The following DLGAP1 variants were observed in gnomAD, a reference collection of about 807,000 sequenced individuals.
DLGAP1 encodes the protein DLG associated protein 1.
Under a neutral mutation model 90.8 loss-of-function variants are expected in DLGAP1, and 11 were observed. That is an observed-to-expected ratio of 0.12 (90% CI 0.08 to 0.20). The LOEUF (loss-of-function observed/expected upper bound fraction) is 0.20, where lower values mean the gene tolerates loss of function less well. DLGAP1 is among the 10% of genes least tolerant of loss of function. The pLI is 1.00. For missense variants in DLGAP1, 1,050 were observed against 1,333.8 expected (o/e 0.79, Z 3.31); for synonymous variants, 558 against 540.7 (o/e 1.03, Z -0.44).
chr18:3,716,528 C>T (rs1473269375), intron 7 of DLGAP1, among the ~76,000 whole-genome samples: 1 of 135,302 alleles, frequency 7.4e-6, no homozygotes, highest in Non-Finnish European at 1.6e-5. Context: ...ACAGTGAGAC[C>T]CTGTCTCAAA....
At chr18:3,979,406 G>T (rs1446260647) in intron 3 of DLGAP1, among the ~76,000 whole-genome samples, 1 of 151,946 alleles carries the variant, frequency 6.6e-6, no homozygotes, top group Non-Finnish European at 1.5e-5. Context: ...ACTCTATAAT[G>T]TTCACTCAGT....
intron 5 of DLGAP1, among the ~76,000 whole-genome samples, chr18:3,765,383 G>A (rs2064191539): frequency 6.6e-6 from 1 of 151,114 alleles, no homozygotes; most frequent in Admixed American, 6.6e-5. Context: ...GCCCACCTTG[G>A]CCTCCCAAAG....
At chr18:3,852,217 G>C (rs557534258) in intron 4 of DLGAP1, among the ~76,000 whole-genome samples, 1 of 152,202 alleles carries the variant, frequency 6.6e-6, no homozygotes, top group African/African-American at 2.4e-5. Context: ...GTGCAAAGTC[G>C]TCTAGAATGA....
chr18:3,683,859 G>A (rs2060607448), intron 7 of DLGAP1, among the ~76,000 whole-genome samples: 1 of 152,066 alleles, frequency 6.6e-6, no homozygotes, highest in Admixed American at 6.6e-5. Context: ...TGTTTTTTGG[G>A]AAATCACTTA....
intron 7 of DLGAP1, among the ~76,000 whole-genome samples, chr18:3,585,165 G>C (rs938079146): frequency 6.6e-6 from 1 of 152,220 alleles, no homozygotes; most frequent in Non-Finnish European, 1.5e-5. Flanking sequence ...TGCTTGCAAG[G>C]TGCAGAGTCA....
At chr18:3,808,235 G>A (rs980998459) in intron 5 of DLGAP1, among the ~76,000 whole-genome samples, 2 of 152,182 alleles carry the variant, frequency 1.3e-5, no homozygotes, top group Admixed American at 1.3e-4. Flanking sequence ...TGTTTTAAAC[G>A]TGTCGCGTTT....
At position 4,117,030 on chromosome 18, in the gene DLGAP1, T is replaced by C. The variant is rs140597202; in HGVS notation, c.-159+34150A>G. ...CTTTCAAAGAGGTAATTAGGTAAAA[T>C]GAGGTCATATGAGTGGGCCCTAATG... On this transcript the variant is annotated intron_variant, in intron 2 of 12. Transcript: ENST00000315677. Among the ~76,000 whole-genome samples, 380 of 152,206 alleles carry C rather than the reference T, an allele frequency of 2.5e-3. 1 individual carries two copies. The highest frequency in any genetic ancestry group is 6.1e-3 in the Admixed American group (93 of 15,284).
intron 4 of DLGAP1, among the ~76,000 whole-genome samples, chr18:3,863,735 G>A (rs1427478679): frequency 6.6e-6 from 1 of 152,178 alleles, no homozygotes; most frequent in Non-Finnish European, 1.5e-5. Flanking sequence ...CCCAGGGCCC[G>A]CTCAGCCCCA....
intron 1 of DLGAP1, among the ~76,000 whole-genome samples, chr18:4,152,741 A>C (rs7231682): frequency 0.45 from 67,917 of 151,932 alleles, 15,937 homozygotes; most frequent in East Asian, 0.71. Flanking sequence ...TTTATCCATG[A>C]CATAGAAGAC....
intron 4 of DLGAP1, among the ~76,000 whole-genome samples, chr18:3,839,378 T>G (rs1207718924): frequency 6.6e-6 from 1 of 152,106 alleles, no homozygotes; most frequent in Non-Finnish European, 1.5e-5. Flanking sequence ...CAACAAGCCC[T>G]CAAACTTGGT....
In DLGAP1 at chr18:3,874,848, G is replaced by A. The variant is rs994919717; in HGVS notation, c.957+4264C>T. 5 of 1,177,020 alleles carry A rather than the reference G, an allele frequency of 4.2e-6. No individual in the cohort carries two copies. The African/African-American group carries it at 4.6e-5, about 11-fold the overall frequency. 72.9% of individuals were successfully genotyped at this position (1,177,020 alleles called of 1,614,324 possible). A position where few individuals can be genotyped will look rare whatever the true frequency, so the allele number is the denominator to read the frequency against. ...TTTTTTTATTAACTGCAGACAGCTT[G>A]TGAGTGAGCACTTATCACTCATAAT... On this transcript the variant is annotated intron_variant, in intron 4 of 12. Transcript: ENST00000315677.
intron 1 of DLGAP1, among the ~76,000 whole-genome samples, chr18:4,337,847 T>G (rs34682014): frequency 0.07 from 10,668 of 152,268 alleles, 410 homozygotes; most frequent in Non-Finnish European, 0.084. Flanking sequence ...AAATGAAATT[T>G]CAGCTATTTC....
intron 2 of DLGAP1, among the ~76,000 whole-genome samples, chr18:4,055,266 T>C (rs912261489): frequency 4.6e-5 from 7 of 152,290 alleles, no homozygotes; most frequent in African/African-American, 1.7e-4. Context: ...GCTCTCCTGA[T>C]GTATCTTTTT....
intron 7 of DLGAP1, among the ~76,000 whole-genome samples, chr18:3,712,050 G>A (rs569300798): frequency 1.3e-5 from 2 of 152,104 alleles, no homozygotes; most frequent in South Asian, 2.1e-4. Flanking sequence ...GGGTGGCATG[G>A]GGGGAGCATG....
At chr18:3,756,638 T>C (rs1177949372) in intron 5 of DLGAP1, among the ~76,000 whole-genome samples, 1 of 151,594 alleles carries the variant, frequency 6.6e-6, no homozygotes, top group African/African-American at 2.4e-5. Context: ...ATAAATGAAA[T>C]GGAAAGCAAA....
At chr18:4,091,376 G>A (rs1342593444) in intron 2 of DLGAP1, among the ~76,000 whole-genome samples, 1 of 152,108 alleles carries the variant, frequency 6.6e-6, no homozygotes, top group Non-Finnish European at 1.5e-5. Flanking sequence ...TATATTCTTT[G>A]AGGTTTTATG....
chr18:3,808,032 A>G (rs551313233), intron 5 of DLGAP1, among the ~76,000 whole-genome samples: 1 of 152,354 alleles, frequency 6.6e-6, no homozygotes, highest in African/African-American at 2.4e-5. Context: ...GAGGGCATTC[A>G]TATCCCAATG....
At chr18:4,113,306 A>G (rs1598422740) in intron 2 of DLGAP1, among the ~76,000 whole-genome samples, 1 of 152,116 alleles carries the variant, frequency 6.6e-6, no homozygotes, top group East Asian at 1.9e-4. Flanking sequence ...ATCATTCTGA[A>G]TGGTGTGAGA....
At chr18:3,791,994 C>A (rs1248342246) in intron 5 of DLGAP1, among the ~76,000 whole-genome samples, 1 of 152,184 alleles carries the variant, frequency 6.6e-6, no homozygotes, top group Admixed American at 6.5e-5. Context: ...TGTCTGCTCC[C>A]ACGTCCACAC....
Sources: gnomAD v4.1 joint callset for allele counts (sites outside exome capture counted in the v4.1 genomes callset) on GRCh38, gnomAD v4.1.1 for gene constraint, MANE v1.5 for transcripts, NCBI Gene and HGNC (gene_info 2026-07-23, HGNC 2026-07-21) for gene names.